Variants in MPZL1 observed in about 807,000 individuals in gnomAD.
The protein encoded by MPZL1 is myelin protein zero like 1, also known as myelin protein zero-like protein 1.
MPZL1 carries 16 observed loss-of-function variants against 29.3 expected under a neutral mutation model. The observed-to-expected ratio is 0.55, with a 90% CI of 0.37 to 0.83. The LOEUF is 0.83. Ranked by LOEUF, MPZL1 falls within the 40% of genes least tolerant of loss-of-function variation. The pLI is 0.00. For missense variants in MPZL1, 279 were observed against 332.9 expected (o/e 0.84, Z 1.26); for synonymous variants, 143 against 132.0 (o/e 1.08, Z -0.57).
chr1:167,766,380 A>G (rs1008973557), intron 2 of MPZL1, among the ~76,000 whole-genome samples: 1 of 152,188 alleles, frequency 6.6e-6, no homozygotes, highest in African/African-American at 2.4e-5. Flanking sequence ...TGAACTGACT[A>G]TCTTGGTTCT....
At chr1:167,785,334 A>G (rs1336761730) in intron 5 of MPZL1, among the ~76,000 whole-genome samples, 6 of 152,246 alleles carry the variant, frequency 3.9e-5, no homozygotes, top group Admixed American at 3.9e-4. Flanking sequence ...ATCAGCCATC[A>G]GGCTGACTTT....
intron 1 of MPZL1, among the ~76,000 whole-genome samples, chr1:167,753,120 G>A (rs1489543702): frequency 6.6e-6 from 1 of 152,204 alleles, no homozygotes; most frequent in Admixed American, 6.5e-5. Flanking sequence ...AGAAAAGGTG[G>A]TAAGATCAGG....
At chr1:167,722,481 G>A (rs572504824) in intron 1 of MPZL1, among the ~76,000 whole-genome samples, 3 of 152,278 alleles carry the variant, frequency 2.0e-5, no homozygotes, top group African/African-American at 4.8e-5. Flanking sequence ...TGCGGAGGAG[G>A]AGGGGAGAGT....
At chr1:167,758,961 A>G (rs1660925849) in intron 1 of MPZL1, among the ~76,000 whole-genome samples, 1 of 152,240 alleles carries the variant, frequency 6.6e-6, no homozygotes, top group East Asian at 1.9e-4. Context: ...CTCAGAATCC[A>G]AAGTTGGCAG....
At chr1:167,768,964 G>A (rs1270634126) in intron 2 of MPZL1, among the ~76,000 whole-genome samples, 1 of 152,210 alleles carries the variant, frequency 6.6e-6, no homozygotes, top group Admixed American at 6.5e-5. Context: ...AGAAGAGAGA[G>A]TGAAGAACTT....
At chr1:167,722,574 G>C (rs1021673096) in intron 1 of MPZL1, among the ~76,000 whole-genome samples, 1 of 152,210 alleles carries the variant, frequency 6.6e-6, no homozygotes, top group Non-Finnish European at 1.5e-5. Flanking sequence ...GGCGCACCCT[G>C]CCCTCTCCTC....
At chr1:167,736,610 C>A (rs1488654298) in intron 1 of MPZL1, among the ~76,000 whole-genome samples, 2 of 152,136 alleles carry the variant, frequency 1.3e-5, no homozygotes, top group Non-Finnish European at 2.9e-5. Context: ...GAATCCTTCC[C>A]TTTCCTCACC....
In MPZL1 at chr1:167,773,232, C is replaced by T; in HGVS notation, c.473-4C>T. ...CTTAAAACTATTTTGTTCTTTCTCT[C>T]TAGAGAATTTGCCTGTGTTTCCAGT... On this transcript the variant is annotated splice_region_variant and splice_polypyrimidine_tract_variant and intron_variant, in intron 3 of 5. Coordinates refer to ENST00000359523, the MANE Select transcript of MPZL1 (RefSeq NM_003953.6). The T allele has an allele frequency of 6.2e-7, 1 of 1,611,676 alleles. No individual in the cohort carries two copies. The highest frequency in any genetic ancestry group is 8.5e-7 in the Non-Finnish European group (1 of 1,178,552).
At chr1:167,750,728 A>C (rs1361109795) in intron 1 of MPZL1, among the ~76,000 whole-genome samples, 1 of 152,224 alleles carries the variant, frequency 6.6e-6, no homozygotes, top group African/African-American at 2.4e-5. Context: ...TTGAAACAGT[A>C]ACAGTACTGT....
At chr1:167,734,452 G>A (rs1660337045) in intron 1 of MPZL1, among the ~76,000 whole-genome samples, 1 of 152,102 alleles carries the variant, frequency 6.6e-6, no homozygotes, top group East Asian at 1.9e-4. Context: ...ATTAAATGCA[G>A]AATCTCTGAT....
At chr1:167,725,251 G>A (rs1382622530) in intron 1 of MPZL1, among the ~76,000 whole-genome samples, 1 of 152,010 alleles carries the variant, frequency 6.6e-6, no homozygotes, top group African/African-American at 2.4e-5. Context: ...ACCATTTCTT[G>A]CCTATATTAC....
chr1:167,781,487 A>G (rs1267939878), intron 5 of MPZL1, among the ~76,000 whole-genome samples: 1 of 152,208 alleles, frequency 6.6e-6, no homozygotes, highest in Non-Finnish European at 1.5e-5. Flanking sequence ...ACAACCCATG[A>G]GTAAAACAAG....
chr1:167,767,726 C>T (rs1049049468), intron 2 of MPZL1, among the ~76,000 whole-genome samples: 1 of 150,748 alleles, frequency 6.6e-6, no homozygotes, highest in Non-Finnish European at 1.5e-5. Context: ...TTTTTTGGCC[C>T]ATGGCCTTGG....
intron 1 of MPZL1, among the ~76,000 whole-genome samples, chr1:167,761,787 G>A (rs1045180176): frequency 6.6e-6 from 1 of 152,208 alleles, no homozygotes; most frequent in African/African-American, 2.4e-5. Context: ...CCACCCTGGT[G>A]GAGATGCATA....
intron 1 of MPZL1, among the ~76,000 whole-genome samples, chr1:167,760,224 A>G (rs540457448): frequency 1.3e-5 from 2 of 152,108 alleles, no homozygotes; most frequent in South Asian, 4.2e-4. Context: ...GTTTTTTGAG[A>G]CAGAGTCTCG....
chr1:167,729,357 A>G (rs542945358), intron 1 of MPZL1, among the ~76,000 whole-genome samples: 2 of 152,258 alleles, frequency 1.3e-5, no homozygotes, highest in East Asian at 1.9e-4. Context: ...ATGTGGAGTT[A>G]TATACATTTA....
Position 167,722,191 on chromosome 1 carries a change from C to A in MPZL1, c.40C>A (p.Pro14Thr). 8.1e-7 allele frequency: 1 copy of A among 1,238,462 alleles called. No homozygotes were observed. Among genetic ancestry groups the A allele is most frequent in the Non-Finnish European group, 1.0e-6 (1 of 987,988 alleles). The allele number at this position is 1,238,462 out of a possible 1,614,324, so 76.7% of individuals were successfully genotyped here. The part of the protein sequence containing the change: ...SAGAGAVIAA[P>T]DSRRWLWSVL... ...CGGAGCCGGGGCGGTGATTGCAGCC[C>A]CAGACAGCCGGCGCTGGCTGTGGTC... The change falls in exon 1 of 6, where the codon CCA becomes ACA. Residue 14 changes from proline to threonine, a missense_variant. By Grantham distance (38) the Pro-to-Thr change is conservative. Coordinates refer to ENST00000359523, the MANE Select transcript of MPZL1 (RefSeq NM_003953.6).
intron 5 of MPZL1, among the ~76,000 whole-genome samples, chr1:167,778,512 AGAAG>A (rs1337988696): frequency 2.1e-5 from 3 of 145,602 alleles, no homozygotes; most frequent in South Asian, 2.2e-4. Flanking sequence ...ATGGGTGGAA[AGAAG>A]GAAGGAAGGA....
chr1:167,781,437 C>T (rs1353187274), intron 5 of MPZL1, among the ~76,000 whole-genome samples: 1 of 151,998 alleles, frequency 6.6e-6, no homozygotes, highest in South Asian at 2.1e-4. Flanking sequence ...CAGAAATCAA[C>T]AGAAAGATAC....
Sources: gnomAD v4.1 joint callset for allele counts (sites outside exome capture counted in the v4.1 genomes callset) on GRCh38, gnomAD v4.1.1 for gene constraint, MANE v1.5 for transcripts, NCBI Gene and HGNC (gene_info 2026-07-23, HGNC 2026-07-21) for gene names.